Variants in SLC12A4 observed in about 807,000 individuals in gnomAD.
SLC12A4 encodes electroneutral potassium-chloride cotransporter 1.
In SLC12A4, 84 loss-of-function variants were observed where a neutral mutation model predicts 119.2. The ratio of observed to expected loss-of-function variants is 0.70; its 90% CI spans 0.59 to 0.85. SLC12A4 has a LOEUF of 0.85. Among genes scored for constraint, SLC12A4 ranks in the 40% least tolerant of loss-of-function variants. The pLI is 0.00. For synonymous variants in SLC12A4, 599 were observed against 604.6 expected (o/e 0.99, Z 0.14); for missense variants, 1,298 against 1,476.3 (o/e 0.88, Z 1.98).
chr16:67,944,491 T>C lies in SLC12A4; in HGVS notation c.*349A>G, dbSNP rs1291314881. 3 of 1,249,478 alleles carry C rather than the reference T, an allele frequency of 2.4e-6. No individual in the cohort carries two copies. The highest frequency in any genetic ancestry group is 3.1e-4 in the Middle Eastern group (1 of 3,218). The allele number at this position is 1,249,478 out of a possible 1,614,324, so 77.4% of individuals were successfully genotyped here. ...TGGCTACCCTTCCCTTCGTCTCTGA[T>C]GGTGACATCCAAACAATAAATATGC... On this transcript the variant is annotated 3_prime_UTR_variant, in exon 24 of 24. Transcript: ENST00000316341. This position sits in a 1 kb window ranked among gnomAD's most constrained non-coding sequence, Gnocchi z 6.6.
At chr16:67,963,836 T>TGCA in intron 1 of SLC12A4, 1 of 1,478,774 alleles carries the variant, frequency 6.8e-7, no homozygotes, top group African/African-American at 1.7e-5. Context: ...GTATGGACAC[T>TGCA]GAGGGACGGG....
intron 6 of SLC12A4, among the ~76,000 whole-genome samples, chr16:67,953,616 A>G (rs1438713395): frequency 1.3e-5 from 2 of 152,212 alleles, no homozygotes; most frequent in Non-Finnish European, 2.9e-5. Flanking sequence ...CTCTGTGAAT[A>G]TACTATAAAA....
chr16:67,943,948 C>G lies in SLC12A4; in HGVS notation c.*892G>C. On this transcript the variant is annotated 3_prime_UTR_variant, in exon 24 of 24. Transcript: ENST00000316341. The surrounding 1 kb of genome is among the most constrained non-coding windows in gnomAD (Gnocchi z 4.6). Reference sequence around the variant, plus strand: ...CATCAGGGGCCTGGTGGGGGCTTACCGAGGATGACGGGCCGTGTGTGGTTA... The same window carrying G: ...CATCAGGGGCCTGGTGGGGGCTTACGGAGGATGACGGGCCGTGTGTGGTTA... 1 of 1,545,440 alleles carries G rather than the reference C, an allele frequency of 6.5e-7. No homozygotes were observed. The highest frequency in any genetic ancestry group is 1.4e-5 in the African/African-American group (1 of 73,044).
intron 17 of SLC12A4, 119 bp downstream of exon 17, chr16:67,946,818 T>G: frequency 7.7e-7 from 1 of 1,291,682 alleles, no homozygotes; most frequent in Non-Finnish European, 1.1e-6. Context: ...AGCTCTCAGG[T>G]GGCAGCAGTG....
intron 5 of SLC12A4, among the ~76,000 whole-genome samples, chr16:67,956,581 T>C (rs201799507): frequency 6.6e-6 from 1 of 151,516 alleles, no homozygotes; most frequent in Non-Finnish European, 1.5e-5. Context: ...GGCTGAGGCA[T>C]GAGAATCACT....
chr16:67,955,193 T>C (rs954362380), intron 5 of SLC12A4, among the ~76,000 whole-genome samples: 1 of 152,230 alleles, frequency 6.6e-6, no homozygotes, highest in Non-Finnish European at 1.5e-5. Flanking sequence ...CATCCAGCCT[T>C]TTGGCCCTAA....
Position 67,950,634 on chromosome 16 carries a change from G to C in SLC12A4, c.1454+20C>G, listed in dbSNP as rs200709665. 1.3e-4 allele frequency: 211 copies of C among 1,610,502 alleles called. No homozygotes were observed. The highest frequency in any genetic ancestry group is 1.6e-4 in the Non-Finnish European group (183 of 1,178,510). ...GCCAAAGCCCAGCCGCTGCTAAAGA[G>C]GGGGGCCCAGCTCACTCACTTGTCC... On this transcript the variant is annotated intron_variant, in intron 11 of 23. Transcript: ENST00000316341. The surrounding 1 kb of genome is among the most constrained non-coding windows in gnomAD (Gnocchi z 4.3).
chr16:67,963,918 C>A, intron 1 of SLC12A4: 1 of 1,551,348 alleles, frequency 6.4e-7, no homozygotes. Flanking sequence ...CTTTCCCGGT[C>A]TTTCCGGAGT....
chr16:67,952,385 C>A lies in SLC12A4; in HGVS notation c.716G>T (p.Gly239Val), dbSNP rs2029968840. The change falls in exon 7 of 24, where the codon GGT (glycine) becomes GTT (valine). Residue 239 changes from glycine to valine, a missense_variant. By Grantham distance (109) the Gly-to-Val change is moderately radical (BLOSUM62 -3). Coordinates refer to ENST00000316341, the MANE Select transcript of SLC12A4 (RefSeq NM_005072.5). ...APPAAIFYPS[G>V]AHDTSNATLN... The stretch of plus-strand genomic sequence containing the variant: ...AGTGGCATTCGACGTGTCATGAGCA[C>A]CCGATGGGTAAAAAATGGCAGCTGG... 6.2e-7 allele frequency: 1 copy of A among 1,614,130 alleles called. No individual in the cohort carries two copies. Among genetic ancestry groups the A allele is most frequent in the East Asian group, 2.2e-5 (1 of 44,882 alleles).
chr16:67,951,092 T>A lies in SLC12A4; in HGVS notation c.1298-32A>T. 6.2e-7 allele frequency: 1 copy of A among 1,613,624 alleles called. No individual in the cohort carries two copies. The highest frequency in any genetic ancestry group is 8.5e-7 in the Non-Finnish European group (1 of 1,179,810). On this transcript the variant is annotated intron_variant, in intron 9 of 23. Coordinates refer to ENST00000316341, the MANE Select transcript of SLC12A4 (RefSeq NM_005072.5). The surrounding 1 kb of genome is among the most constrained non-coding windows in gnomAD (Gnocchi z 5.2). ...AAACAGATGAGACTCCCTCAGGGGC[T>A]CCCCGGGATTGGGGACAGGGCTGGG... is the stretch of plus-strand genomic sequence containing the variant.
At chr16:67,947,518 C>T in intron 15 of SLC12A4, 83 bp from the exon 16 acceptor site, 1 of 1,504,728 alleles carries the variant, frequency 6.6e-7, no homozygotes, top group South Asian at 1.2e-5. Flanking sequence ...AGGGGTTCTG[C>T]CCCTCAAGAC....
chr16:67,965,371 A>G (rs1293458712), intron 1 of SLC12A4, among the ~76,000 whole-genome samples: 3 of 152,196 alleles, frequency 2.0e-5, no homozygotes, highest in Non-Finnish European at 4.4e-5. Flanking sequence ...AATGCCAGTT[A>G]TACAGCTCGT....
rs754862463 is a variant in SLC12A4 at position 67,949,869 on chromosome 16, A to G, written c.1679T>C (p.Leu560Pro). 6 of 1,610,516 alleles carry G rather than the reference A, an allele frequency of 3.7e-6. No individual in the cohort carries two copies. The highest frequency in any genetic ancestry group is 4.2e-6 in the Non-Finnish European group (5 of 1,178,664). Residue 560 changes from leucine to proline, a missense_variant, in exon 13 of 24, where the codon CTG becomes CCG. Leu to Pro is a moderately conservative substitution (Grantham distance 98, BLOSUM62 -3). Transcript: ENST00000316341. This position sits in a 1 kb window ranked among gnomAD's most constrained non-coding sequence, Gnocchi z 4.6. Reference sequence around the variant, plus strand: ...GCCCAGCTCGGCGATGAGTGCCGTCAGGAGGAGTGCCCATGTGGGTTCACC... The same window carrying G: ...GCCCAGCTCGGCGATGAGTGCCGTCGGGAGGAGTGCCCATGTGGGTTCACC... The part of the protein sequence containing the change: ...VNGEPTWALL[L>P]TALIAELGIL...
Position 67,951,156 on chromosome 16 carries a change from G to T in SLC12A4, c.1281C>A (p.Phe427Leu). The change falls in exon 9 of 24, where the codon TTC becomes TTA. Residue 427 changes from phenylalanine to leucine, a missense_variant. Phe to Leu is a conservative substitution (Grantham distance 22, BLOSUM62 0). Transcript: ENST00000316341. This position sits in a 1 kb window ranked among gnomAD's most constrained non-coding sequence, Gnocchi z 5.2. ...ATSFTVLVGI[F>L]FPSVTGIMAG... ...AGGGCTCACCTGTTACAGAAGGGAA[G>T]AAGATGCCGACCAGCACGGTGAAGG... The T allele has an allele frequency of 6.2e-7, 1 of 1,614,034 alleles. No individual in the cohort carries two copies. Among genetic ancestry groups the T allele is most frequent in the Middle Eastern group, 1.6e-4 (1 of 6,062 alleles).
At position 67,944,452 on chromosome 16, in the gene SLC12A4, C is replaced by A; in HGVS notation, c.*388G>T. Reference sequence around the variant, plus strand: ...CCAGATCTTCCTGCAGGCAGCTGGGCTGGACTCCCTCCCTGGCTACCCTTC... The same window carrying A: ...CCAGATCTTCCTGCAGGCAGCTGGGATGGACTCCCTCCCTGGCTACCCTTC... On this transcript the variant is annotated 3_prime_UTR_variant, in exon 24 of 24. Coordinates refer to ENST00000316341, the MANE Select transcript of SLC12A4 (RefSeq NM_005072.5). This position sits in a 1 kb window ranked among gnomAD's most constrained non-coding sequence, Gnocchi z 6.6. 8.0e-7 allele frequency: 1 copy of A among 1,257,016 alleles called. No individual in the cohort carries two copies. The allele number at this position is 1,257,016 out of a possible 1,614,324, so 77.9% of individuals were successfully genotyped here.
intron 6 of SLC12A4, among the ~76,000 whole-genome samples, chr16:67,953,044 G>A (rs2030027002): frequency 6.6e-6 from 1 of 151,920 alleles, no homozygotes; most frequent in African/African-American, 2.4e-5. Flanking sequence ...GTTGCAGTGA[G>A]TAGAGACCAC....
At chr16:67,963,867 A>T in intron 1 of SLC12A4, 1 of 1,525,834 alleles carries the variant, frequency 6.6e-7, no homozygotes, top group African/African-American at 1.6e-5. Flanking sequence ...GGGCGGGGCC[A>T]GCGTTTGACC....
At chr16:67,964,595 A>C (rs2030777137) in intron 1 of SLC12A4, among the ~76,000 whole-genome samples, 1 of 152,056 alleles carries the variant, frequency 6.6e-6, no homozygotes, top group African/African-American at 2.4e-5. Flanking sequence ...AGCAAATGGA[A>C]AGCACACATC....
chr16:67,943,898 A>G lies in SLC12A4; in HGVS notation c.*942T>C, dbSNP rs1474884550. 2.0e-6 allele frequency: 3 copies of G among 1,478,868 alleles called. No homozygotes were observed. The highest frequency in any genetic ancestry group is 5.0e-5 in the East Asian group (2 of 40,302). 91.6% of individuals were successfully genotyped at this position (1,478,868 alleles called of 1,614,324 possible). ...GGTCAGCTGCCAGGGGCTGGGGCCC[A>G]GGCTCCCCAGGGTCTGGCGTGGTGC... On this transcript the variant is annotated 3_prime_UTR_variant, in exon 24 of 24. Transcript: ENST00000316341. This position sits in a 1 kb window ranked among gnomAD's most constrained non-coding sequence, Gnocchi z 4.6.
Sources: allele counts gnomAD v4.1 joint callset (sites outside exome capture counted in the v4.1 genomes callset), GRCh38; gene constraint gnomAD v4.1.1; non-coding constraint Gnocchi (gnomAD v3.1); transcripts MANE v1.5; gene names NCBI Gene and HGNC (gene_info 2026-07-23, HGNC 2026-07-21).